The following TIAM1 variants were observed in gnomAD, a reference collection of about 807,000 sequenced individuals.
TIAM1 encodes the protein TIAM Rac1 associated GEF 1.
A neutral mutation model predicts 163.5 loss-of-function variants in TIAM1; 65 were observed. The observed-to-expected ratio is 0.40, with a 90% CI of 0.33 to 0.49. The LOEUF (loss-of-function observed/expected upper bound fraction) is 0.49. Among genes scored for constraint, TIAM1 ranks in the 20% least tolerant of loss-of-function variants. TIAM1 has a pLI of 0.77. For synonymous variants in TIAM1, 833 were observed against 810.1 expected, an observed-to-expected ratio of 1.03 and a Z score of -0.48; for missense variants, 1,789 against 2,044.7, an observed-to-expected ratio of 0.87 and a Z score of 2.41.
chr21:31,271,120 CA>C (rs1206045659), intron 3 of TIAM1, among the ~76,000 whole-genome samples: 1 of 151,994 alleles, frequency 6.6e-6, no homozygotes, highest in Non-Finnish European at 1.5e-5. Flanking sequence ...TATCCTTTCC[CA>C]CTAGAGCCTA....
chr21:31,188,408 T>C (rs73351509), intron 13 of TIAM1, among the ~76,000 whole-genome samples: 3,070 of 152,264 alleles, frequency 0.02, 106 homozygotes, highest in African/African-American at 0.071. Flanking sequence ...ACATTAGCCT[T>C]AACACAGGTG....
chr21:31,295,692 G>A (rs560378930), intron 2 of TIAM1, among the ~76,000 whole-genome samples: 9 of 152,232 alleles, frequency 5.9e-5, no homozygotes, highest in South Asian at 2.1e-4. Context: ...GCCACAGGAT[G>A]GTAATAGAGC....
Position 31,127,100 on chromosome 21 carries a change from T to C in TIAM1, c.4098A>G (p.Glu1366=). The change falls in exon 26 of 28, where the codon GAA becomes GAG. Residue 1366 remains glutamate (E), a synonymous_variant. Coordinates refer to ENST00000541036, the MANE Select transcript of TIAM1 (RefSeq NM_001353694.2). ...CEIVHVKSES[E]GRPERVFHLC... ...AGTGAAAGACCCTCTCCGGCCTCCC[T>C]TCAGACTCGGATTTTACATGGACAA... The C allele has an allele frequency of 6.2e-7, 1 of 1,614,050 alleles. No homozygotes were observed. Among genetic ancestry groups the C allele is most frequent in the Non-Finnish European group, 8.5e-7 (1 of 1,179,920 alleles).
At chr21:31,463,683 T>C (rs770105133) in intron 2 of TIAM1, among the ~76,000 whole-genome samples, 28 of 151,882 alleles carry the variant, frequency 1.8e-4, no homozygotes, top group Non-Finnish European at 3.8e-4. Flanking sequence ...CCAGGCATTG[T>C]GGCGGGCACC....
intron 22 of TIAM1, among the ~76,000 whole-genome samples, chr21:31,139,209 T>C (rs1367452966): frequency 1.3e-5 from 2 of 152,200 alleles, no homozygotes; most frequent in East Asian, 3.8e-4. Flanking sequence ...CATTTCGCCT[T>C]CTAATCTTTA....
intron 2 of TIAM1, among the ~76,000 whole-genome samples, chr21:31,391,814 T>G (rs920718319): frequency 2.6e-5 from 4 of 152,184 alleles, no homozygotes; most frequent in African/African-American, 9.7e-5. Context: ...CTAACTTTTT[T>G]TAAAATTAAA....
intron 2 of TIAM1, among the ~76,000 whole-genome samples, chr21:31,387,968 A>C (rs2076904450): frequency 6.6e-6 from 1 of 151,794 alleles, no homozygotes; most frequent in Non-Finnish European, 1.5e-5. Flanking sequence ...TTCTCATGAG[A>C]TCTGGTTGTT....
intron 16 of TIAM1, among the ~76,000 whole-genome samples, chr21:31,159,015 T>C (rs1413767633): frequency 2.6e-5 from 4 of 152,012 alleles, no homozygotes; most frequent in Non-Finnish European, 5.9e-5. Flanking sequence ...AAGCCAAGTA[T>C]CCTGGATGTG....
chr21:31,124,188 A>T (rs969987469), intron 27 of TIAM1: 12 of 232,280 alleles, frequency 5.2e-5, no homozygotes, highest in Non-Finnish European at 9.1e-5. Flanking sequence ...AGCGACTCTC[A>T]TTCTGCAAGC....
intron 2 of TIAM1, among the ~76,000 whole-genome samples, chr21:31,304,593 T>G (rs1388212347): frequency 6.6e-6 from 1 of 152,252 alleles, no homozygotes. Flanking sequence ...AATGTGGTTG[T>G]GGTTGCTGAA....
At chr21:31,507,821 T>C (rs1349013589) in intron 1 of TIAM1, among the ~76,000 whole-genome samples, 2 of 152,162 alleles carry the variant, frequency 1.3e-5, no homozygotes, top group African/African-American at 2.4e-5. Flanking sequence ...TTTAGGGTGG[T>C]AGCCCAGGGG....
At chr21:31,537,013 T>C (rs567526066) in intron 1 of TIAM1, among the ~76,000 whole-genome samples, 1 of 152,354 alleles carries the variant, frequency 6.6e-6, no homozygotes, top group East Asian at 1.9e-4. Flanking sequence ...GGAAGGATCC[T>C]TCCTTGCCTC....
At chr21:31,431,510 T>C (rs992193517) in intron 2 of TIAM1, among the ~76,000 whole-genome samples, 1 of 152,228 alleles carries the variant, frequency 6.6e-6, no homozygotes, top group African/African-American at 2.4e-5. Flanking sequence ...TTATTCAATG[T>C]TGCATCCTAA....
intron 2 of TIAM1, among the ~76,000 whole-genome samples, chr21:31,446,322 T>C (rs1246141045): frequency 2.0e-5 from 3 of 152,240 alleles, no homozygotes; most frequent in African/African-American, 2.4e-5. Flanking sequence ...AGTTGCTTTC[T>C]ACTTAAGATA....
intron 2 of TIAM1, among the ~76,000 whole-genome samples, chr21:31,354,329 G>A (rs532143950): frequency 5.3e-5 from 8 of 152,214 alleles, no homozygotes; most frequent in African/African-American, 1.7e-4. Context: ...TTGTCACTCC[G>A]TCTGAGAAAG....
Position 31,222,697 on chromosome 21 carries a change from ATATATATATATTTTTTTTTTTTT to A in TIAM1, c.1995+686_1995+708del, listed in dbSNP as rs1199230927. ...CATACATATATATATATATATATAT[ATATATATATATTTTTTTTTTTTT>A]TTTTTTTTTTTTTTTGAGACAGAGT... On this transcript the variant is annotated intron_variant, in intron 8 of 27. Transcript: ENST00000541036. 1.5e-3 allele frequency among the ~76,000 whole-genome samples: 56 copies of A among 36,508 alleles called. 1 individual carries two copies. Among genetic ancestry groups the A allele is most frequent in the African/African-American group, 8.6e-3 (55 of 6,424 alleles). 24.0% of individuals were successfully genotyped at this position (36,508 alleles called of 152,430 possible).
intron 27 of TIAM1, among the ~76,000 whole-genome samples, chr21:31,123,659 G>A (rs900689369): frequency 1.3e-5 from 2 of 152,252 alleles, no homozygotes; most frequent in Admixed American, 6.5e-5. Context: ...TGGGTACAAA[G>A]GCCAGAAACT....
chr21:31,241,535 TCA>T (rs1380475582), intron 6 of TIAM1, among the ~76,000 whole-genome samples: 1 of 152,148 alleles, frequency 6.6e-6, no homozygotes, highest in African/African-American at 2.4e-5. Context: ...CCTAAATATT[TCA>T]CAGATTTTAA....
chr21:31,341,467 T>C (rs988649863), intron 1 of TIAM1, among the ~76,000 whole-genome samples: 1 of 152,210 alleles, frequency 6.6e-6, no homozygotes, highest in African/African-American at 2.4e-5. Flanking sequence ...CTCCAGTCAT[T>C]ACAGCAAATT....
Sources: gnomAD v4.1 joint callset for allele counts (sites outside exome capture counted in the v4.1 genomes callset) on GRCh38, gnomAD v4.1.1 for gene constraint, MANE v1.5 for transcripts, NCBI Gene and HGNC (gene_info 2026-07-23, HGNC 2026-07-21) for gene names.